The following TNFAIP8 variants were observed in gnomAD, a reference collection of about 807,000 sequenced individuals.
TNFAIP8 encodes TNF alpha induced protein 8.
Under a neutral mutation model 13.3 loss-of-function variants are expected in TNFAIP8, and 7 were observed. That is an observed-to-expected ratio of 0.52 (90% CI 0.30 to 0.99). The LOEUF (loss-of-function observed/expected upper bound fraction) is 0.99, where lower values mean the gene tolerates loss of function less well. Among genes scored for constraint, TNFAIP8 ranks in the 50% least tolerant of loss-of-function variants. The pLI is 0.07. For missense variants in TNFAIP8, 258 were observed against 236.9 expected, an observed-to-expected ratio of 1.09 and a Z score of -0.58; for synonymous variants, 94 against 87.6, an observed-to-expected ratio of 1.07 and a Z score of -0.41.
upstream of TNFAIP8, chr5:119,355,807 A>C: frequency 4.4e-6 from 3 of 689,018 alleles, no homozygotes; most frequent in East Asian, 8.5e-5. Context: ...GCCCGGGCCG[A>C]GCCAGCCCCG....
Position 119,390,201 on chromosome 5 carries a change from TA to T in TNFAIP8, c.32-2606del, listed in dbSNP as rs796874350. On this transcript the variant is annotated intron_variant, in intron 1 of 1. Transcript: ENST00000504771. ...TAGACTGTGCCATGTTCTAAAACAT[TA>T]AAAAAAAACACAATAACATTTCAAC... Among the ~76,000 whole-genome samples the T allele has an allele frequency of 1.4e-3, 217 of 151,194 alleles. 2 individuals are homozygous for T. Among genetic ancestry groups the T allele is most frequent in the African/African-American group, 1.8e-3 (75 of 41,300 alleles).
At chr5:119,318,227 C>T (rs184639578) in intron 1 of TNFAIP8, among the ~76,000 whole-genome samples, 2 of 151,170 alleles carry the variant, frequency 1.3e-5, no homozygotes, top group African/African-American at 4.9e-5. Flanking sequence ...TCAGTTTGTC[C>T]CTTTAAACGG....
At chr5:119,323,640 T>C (rs1445960598) in intron 1 of TNFAIP8, among the ~76,000 whole-genome samples, 1 of 152,226 alleles carries the variant, frequency 6.6e-6, no homozygotes, top group African/African-American at 2.4e-5. Context: ...CAGAGGGTTA[T>C]TAAAAATGGA....
intron 1 of TNFAIP8, among the ~76,000 whole-genome samples, chr5:119,391,964 A>T (rs1752910455): frequency 6.6e-6 from 1 of 152,234 alleles, no homozygotes; most frequent in Non-Finnish European, 1.5e-5. Flanking sequence ...GTCAGAAGTT[A>T]TAATTCCAAA....
At chr5:119,283,665 TC>T (rs1475355867) in intron 1 of TNFAIP8, among the ~76,000 whole-genome samples, 1 of 152,162 alleles carries the variant, frequency 6.6e-6, no homozygotes, top group Non-Finnish European at 1.5e-5. Context: ...CCTTTTCTGT[TC>T]CTTGTCAGTG....
upstream of TNFAIP8, chr5:119,355,775 G>A (rs1751375384): frequency 8.9e-6 from 3 of 338,868 alleles, no homozygotes; most frequent in Non-Finnish European, 1.4e-5. Flanking sequence ...CTGCCGTCTG[G>A]GCCTGTGCCC....
intron 1 of TNFAIP8, among the ~76,000 whole-genome samples, chr5:119,277,300 T>A (rs1319263590): frequency 3.3e-5 from 5 of 152,244 alleles, no homozygotes; most frequent in Non-Finnish European, 7.3e-5. Flanking sequence ...CTTTTTTCTT[T>A]AAACAATGAT....
chr5:119,351,167 C>CA (rs144137123), upstream of TNFAIP8, among the ~76,000 whole-genome samples: 7,492 of 152,066 alleles, frequency 0.049, 264 homozygotes, highest in Middle Eastern at 0.082. Context: ...GGACTACAGG[C>CA]ATGCACCACC....
chr5:119,324,221 GC>G (rs1750144259), intron 1 of TNFAIP8, among the ~76,000 whole-genome samples: 1 of 139,242 alleles, frequency 7.2e-6, no homozygotes, highest in East Asian at 2.1e-4. Flanking sequence ...GCTGCAGTGA[GC>G]CGAGATCGCG....
chr5:119,318,362 C>T (rs1259474086), intron 1 of TNFAIP8, among the ~76,000 whole-genome samples: 1 of 152,194 alleles, frequency 6.6e-6, no homozygotes, highest in Non-Finnish European at 1.5e-5. Flanking sequence ...GATCACAGCT[C>T]ACTGCAGCCT....
At chr5:119,327,247 C>T (rs990989921) in intron 1 of TNFAIP8, among the ~76,000 whole-genome samples, 2 of 151,980 alleles carry the variant, frequency 1.3e-5, no homozygotes, top group Non-Finnish European at 2.9e-5. Context: ...CGGATGGGGG[C>T]GGATGTGTGT....
intron 1 of TNFAIP8, among the ~76,000 whole-genome samples, chr5:119,348,880 C>CAAAAAAAAA (rs60633145): frequency 3.3e-5 from 3 of 90,980 alleles, no homozygotes; most frequent in South Asian, 5.6e-4. Flanking sequence ...AACTCCATCT[C>CAAAAAAAAA]AAAAAAAAAA....
intron 1 of TNFAIP8, among the ~76,000 whole-genome samples, chr5:119,293,606 TA>T (rs1749065031): frequency 6.6e-6 from 1 of 152,226 alleles, no homozygotes; most frequent in Non-Finnish European, 1.5e-5. Flanking sequence ...GGAAATGTTC[TA>T]AAAATTGGAT....
intron 1 of TNFAIP8, among the ~76,000 whole-genome samples, chr5:119,274,814 T>G (rs192348603): frequency 6.6e-6 from 1 of 152,252 alleles, no homozygotes; most frequent in East Asian, 1.9e-4. Flanking sequence ...CAAATGAAAC[T>G]TTGAACTTAT....
At chr5:119,364,285 C>T (rs997833514) in intron 1 of TNFAIP8, among the ~76,000 whole-genome samples, 12 of 152,180 alleles carry the variant, frequency 7.9e-5, no homozygotes, top group African/African-American at 2.7e-4. Flanking sequence ...CCTCTCACAA[C>T]TATCACTCAG....
chr5:119,341,870 G>T (rs567024970), intron 1 of TNFAIP8, among the ~76,000 whole-genome samples: 2 of 152,222 alleles, frequency 1.3e-5, no homozygotes, highest in Non-Finnish European at 2.9e-5. Flanking sequence ...TTTGCAAGTT[G>T]TCTGCTGGCT....
chr5:119,276,460 T>C (rs1748453094), intron 1 of TNFAIP8, among the ~76,000 whole-genome samples: 1 of 152,144 alleles, frequency 6.6e-6, no homozygotes, highest in Non-Finnish European at 1.5e-5. Flanking sequence ...GTGATGATAG[T>C]GTTCTATATA....
rs1580456970 is a variant in TNFAIP8 at position 119,394,252 on chromosome 5, G to GCC, written c.*871_*872insCC. ...GAAAGGTAACAATCTTCATTCTACA[G>GCC]ATGAACTCATTGAAACAATTTAGGG... On this transcript the variant is annotated 3_prime_UTR_variant, in exon 2 of 2. Transcript: ENST00000504771. The GCC allele has an allele frequency of 6.6e-6, 1 of 152,192 alleles. No homozygotes were observed. Among genetic ancestry groups the GCC allele is most frequent in the East Asian group, 1.9e-4 (1 of 5,204 alleles). The allele number at this position is 152,192 out of a possible 1,614,324, so 9.4% of individuals were successfully genotyped here. A position where few individuals can be genotyped will look rare whatever the true frequency, so the allele number is the denominator to read the frequency against.
chr5:119,303,799 A>T (rs559783608), intron 1 of TNFAIP8, among the ~76,000 whole-genome samples: 101 of 152,292 alleles, frequency 6.6e-4, no homozygotes, highest in African/African-American at 2.4e-3. Context: ...GTTTAAGTGA[A>T]CCCTATAGTA....
Sources: gnomAD v4.1 joint callset for allele counts (sites outside exome capture counted in the v4.1 genomes callset) on GRCh38, gnomAD v4.1.1 for gene constraint, MANE v1.5 for transcripts, NCBI Gene and HGNC (gene_info 2026-07-23, HGNC 2026-07-21) for gene names.